SKIC3: variants seen among roughly 807,000 people sequenced by gnomAD.
SKIC3 encodes the protein SKI3 subunit of superkiller complex.
At chr5:95,541,748 G>A in the SKIC3 span, 1 of 1,132,192 alleles carries the variant, frequency 8.8e-7, no homozygotes, top group Non-Finnish European at 1.3e-6. Flanking sequence ...ACTTCTACAT[G>A]ATTTTTAATC....
the SKIC3 span, chr5:95,467,784 A>G: frequency 6.4e-7 from 1 of 1,560,952 alleles, no homozygotes; most frequent in Non-Finnish European, 8.7e-7. Flanking sequence ...TTGAACAATA[A>G]CTCTAAAACC....
the SKIC3 span, chr5:95,507,089 AT>A: frequency 2.3e-6 from 3 of 1,314,046 alleles, no homozygotes; most frequent in South Asian, 2.4e-5. Context: ...GAATCCACAG[AT>A]TTTTGTTCAT....
the SKIC3 span, among the ~76,000 whole-genome samples, chr5:95,473,076 C>T: frequency 1.3e-5 from 2 of 152,098 alleles, no homozygotes; most frequent in African/African-American, 4.8e-5. Flanking sequence ...CACATGAATG[C>T]ATGTGTCTTC....
At chr5:95,533,725 C>A in the SKIC3 span, among the ~76,000 whole-genome samples, 1 of 152,060 alleles carries the variant, frequency 6.6e-6, no homozygotes, top group African/African-American at 2.4e-5. Flanking sequence ...TTCATTTAAA[C>A]CAAGACACTT....
At chr5:95,475,271 T>C in the SKIC3 span, among the ~76,000 whole-genome samples, 2 of 152,174 alleles carry the variant, frequency 1.3e-5, no homozygotes, top group Admixed American at 6.5e-5. Context: ...AAATCTCACG[T>C]TGAACTGTAA....
chr5:95,526,220 T>C, the SKIC3 span, among the ~76,000 whole-genome samples: 1 of 152,136 alleles, frequency 6.6e-6, no homozygotes, highest in Admixed American at 6.5e-5. Context: ...ATGCCTTGTC[T>C]CTTTTAATCA....
At chr5:95,554,648 A>G in the SKIC3 span, among the ~76,000 whole-genome samples, 1 of 152,176 alleles carries the variant, frequency 6.6e-6, no homozygotes, top group Middle Eastern at 3.2e-3. Flanking sequence ...AAGCAATAAG[A>G]TGAGACAGGC....
chr5:95,475,701 T>G, the SKIC3 span, among the ~76,000 whole-genome samples: 3 of 152,246 alleles, frequency 2.0e-5, no homozygotes, highest in Non-Finnish European at 4.4e-5. Context: ...TATTTCTGGA[T>G]GCTTCCAAAG....
chr5:95,529,378 T>C, the SKIC3 span: 1 of 475,224 alleles, frequency 2.1e-6, no homozygotes. Context: ...AGAATATCTC[T>C]AAAAAGACAA....
the SKIC3 span, among the ~76,000 whole-genome samples, chr5:95,544,608 C>T: frequency 6.6e-6 from 1 of 152,136 alleles, no homozygotes; most frequent in African/African-American, 2.4e-5. Context: ...AATGATGTAA[C>T]TACCAAAGTT....
the SKIC3 span, chr5:95,484,848 G>A: frequency 1.2e-6 from 2 of 1,613,566 alleles, no homozygotes; most frequent in Non-Finnish European, 1.7e-6. Flanking sequence ...GTCTTTAACT[G>A]TAAACAAAAA....
the SKIC3 span, chr5:95,494,884 C>T: frequency 6.3e-7 from 1 of 1,591,572 alleles, no homozygotes; most frequent in African/African-American, 1.3e-5. Flanking sequence ...GACATAATCC[C>T]TAAGACTATG....
the SKIC3 span, chr5:95,523,667 C>T: frequency 1.2e-6 from 2 of 1,613,462 alleles, no homozygotes; most frequent in African/African-American, 1.3e-5. Flanking sequence ...TATCTTCAAG[C>T]TCCACACTTA....
chr5:95,523,651 A>G, the SKIC3 span: 1 of 1,613,178 alleles, frequency 6.2e-7, no homozygotes, highest in African/African-American at 1.3e-5. Flanking sequence ...ATTATTAGAC[A>G]TACCATATCT....
chr5:95,490,659 A>C, the SKIC3 span, among the ~76,000 whole-genome samples: 2 of 151,674 alleles, frequency 1.3e-5, no homozygotes, highest in Non-Finnish European at 2.9e-5. Context: ...CACCACGCTC[A>C]GCTAATTTTC....
At chr5:95,536,543 A>G in the SKIC3 span, 1 of 384,226 alleles carries the variant, frequency 2.6e-6, no homozygotes, top group African/African-American at 2.1e-5. Flanking sequence ...AGTTTCTATA[A>G]AAAATTCAAG....
chr5:95,528,450 A>G, the SKIC3 span, among the ~76,000 whole-genome samples: 2 of 152,226 alleles, frequency 1.3e-5, no homozygotes, highest in African/African-American at 2.4e-5. Flanking sequence ...AATAAAGGTT[A>G]GCCCACAACC....
At chr5:95,554,657 G>A in the SKIC3 span, among the ~76,000 whole-genome samples, 1 of 152,168 alleles carries the variant, frequency 6.6e-6, no homozygotes. Context: ...GATGAGACAG[G>A]CTAGAGATTT....
chr5:95,468,387 C>T, the SKIC3 span, among the ~76,000 whole-genome samples: 1 of 152,116 alleles, frequency 6.6e-6, no homozygotes, highest in Non-Finnish European at 1.5e-5. Flanking sequence ...AAATAAGTCA[C>T]TAAATAATGC....
Sources: allele counts gnomAD v4.1 joint callset (sites outside exome capture counted in the v4.1 genomes callset), GRCh38; gene constraint gnomAD v4.1.1; transcripts MANE v1.5; gene names NCBI Gene and HGNC (gene_info 2026-07-23, HGNC 2026-07-21).